KIF14: variants seen among roughly 807,000 people sequenced by gnomAD.
The protein encoded by KIF14 is kinesin family member 14.
Under a neutral mutation model 176.2 loss-of-function variants are expected in KIF14, and 98 were observed. The ratio of observed to expected loss-of-function variants is 0.56; its 90% confidence interval spans 0.47 to 0.66. KIF14 has a LOEUF of 0.66. Ranked by LOEUF, KIF14 falls within the 30% of genes least tolerant of loss-of-function variation. The pLI, the probability that KIF14 is intolerant of heterozygous loss-of-function variation, is 0.00. For missense variants in KIF14, 1,751 were observed against 1,920.4 expected, an observed-to-expected ratio of 0.91 and a Z score of 1.65; for synonymous variants, 566 against 632.2, an observed-to-expected ratio of 0.90 and a Z score of 1.57.
chr1:200,620,259 A>G (rs917905353), intron 1 of KIF14, among the ~76,000 whole-genome samples, 152 bp downstream of exon 1: 3 of 152,226 alleles, frequency 2.0e-5, no homozygotes. Flanking sequence ...ATTTGCACAA[A>G]TCAATACGGT....
chr1:200,592,923 G>A (rs1659127851), intron 15 of KIF14, among the ~76,000 whole-genome samples: 1 of 151,988 alleles, frequency 6.6e-6, no homozygotes, highest in Non-Finnish European at 1.5e-5. Flanking sequence ...TATCTAAACA[G>A]AAAAAAATAC....
At position 200,598,398 on chromosome 1, in the gene KIF14, C is replaced by T. The variant is rs2102717975; in HGVS notation, c.2388G>A (p.Met796Ile). Residue 796 changes from methionine to isoleucine, a missense_variant, in exon 14 of 30, where the codon ATG becomes ATA. Coordinates refer to ENST00000367350, the MANE Select transcript of KIF14 (RefSeq NM_014875.3). ...TAACAAGGTTTGGTAAATGATTGTCCATTTGAAACATAATTCCTGCTTTCT... is the reference window on the plus strand; with the variant it reads ...TAACAAGGTTTGGTAAATGATTGTCTATTTGAAACATAATTCCTGCTTTCT... ...ELQKAGIMFQ[M>I]DNHLPNLVNL... The T allele has an allele frequency of 1.2e-6, 2 of 1,607,038 alleles. No homozygotes were observed. The highest frequency in any genetic ancestry group is 1.7e-6 in the Non-Finnish European group (2 of 1,178,132).
chr1:200,584,265 G>T (rs942145744), intron 19 of KIF14, among the ~76,000 whole-genome samples: 2 of 148,838 alleles, frequency 1.3e-5, no homozygotes, highest in Non-Finnish European at 3.0e-5. Context: ...CACTGGTGAA[G>T]TCTACCGAAC....
At position 200,578,732 on chromosome 1, in the gene KIF14, A is replaced by T. The variant is rs1448779481; in HGVS notation, c.3465+1522T>A. ...TAATCAGGAAAAAAGGTATATGATA[A>T]ATATAAAGGCTTATCAAAATATGTA... is the stretch of plus-strand genomic sequence containing the variant. On this transcript the variant is annotated intron_variant, in intron 21 of 29. Coordinates refer to ENST00000367350, the MANE Select transcript of KIF14 (RefSeq NM_014875.3). Among the ~76,000 whole-genome samples the T allele has an allele frequency of 2.0e-5, 3 of 152,334 alleles. No homozygotes were observed. The East Asian group carries it at 5.8e-4, about 29-fold the overall frequency.
intron 29 of KIF14, 77 bp downstream of exon 29, chr1:200,554,391 A>ATT: frequency 2.0e-6 from 1 of 509,310 alleles, no homozygotes; most frequent in South Asian, 3.5e-5. Context: ...ACTCCATCTC[A>ATT]AAAAAAAAAA....
At chr1:200,586,075 G>A in intron 19 of KIF14, 26 bp downstream of exon 19, 1 of 1,426,198 alleles carries the variant, frequency 7.0e-7, no homozygotes, top group Non-Finnish European at 9.3e-7. Flanking sequence ...TTTAGAAAAT[G>A]TTTGCTAAAA....
Position 200,580,296 on chromosome 1 carries a change from T to C in KIF14, c.3423A>G (p.Glu1141=). Residue 1141 remains glutamate (E), a synonymous_variant, in exon 21 of 30, where the codon GAA becomes GAG. Coordinates refer to ENST00000367350, the MANE Select transcript of KIF14 (RefSeq NM_014875.3). ...TTGCTGCAAGTTTAGATTCAAACTT[T>C]TCCAGACTCCAGAATGTTGAGATTC... ...KLGISTFWSL[E]KFESKLAAMK... is the part of the protein sequence containing the mutation. 1 of 1,513,184 alleles carries C rather than the reference T, an allele frequency of 6.6e-7. No homozygotes were observed. Among genetic ancestry groups the C allele is most frequent in the Non-Finnish European group, 8.9e-7 (1 of 1,123,332 alleles). 93.7% of individuals were successfully genotyped at this position (1,513,184 alleles called of 1,614,324 possible).
At chr1:200,601,549 T>G (rs1348534353) in intron 11 of KIF14, among the ~76,000 whole-genome samples, 1 of 152,192 alleles carries the variant, frequency 6.6e-6, no homozygotes, top group African/African-American at 2.4e-5. Context: ...AGCTAGTACA[T>G]AAAACGTCAA....
chr1:200,594,278 G>A (rs578024088), intron 14 of KIF14, among the ~76,000 whole-genome samples: 2 of 145,738 alleles, frequency 1.4e-5, no homozygotes, highest in East Asian at 4.1e-4. Flanking sequence ...CTGGCCTCTA[G>A]CAATCCGATC....
At chr1:200,605,212 A>G in intron 8 of KIF14, 71 bp downstream of exon 8, 1 of 1,451,082 alleles carries the variant, frequency 6.9e-7, no homozygotes, top group Admixed American at 1.8e-5. Flanking sequence ...GAACTTTTTA[A>G]AAAAATACCT....
chr1:200,610,267 A>G (rs1434465605), intron 4 of KIF14, among the ~76,000 whole-genome samples: 1 of 152,168 alleles, frequency 6.6e-6, no homozygotes, highest in African/African-American at 2.4e-5. Flanking sequence ...CTGGGAGGCC[A>G]AGGCAGGTGG....
chr1:200,590,250 CCT>C lies in KIF14; in HGVS notation c.2834_2835del (p.Glu945GlyfsTer32). ...ATTTCTTCCTTTGCCTTCAACTGAGCCTCTTTTATTTCTGCTTCAAGTCTACA... is the reference window on the plus strand; with the variant it reads ...ATTTCTTCCTTTGCCTTCAACTGAGCCTTTTATTTCTGCTTCAAGTCTACA... ...QRSQLEAEIKEAQLKAKEEMM... is the reference protein window; with the variant it reads ...QRSQLEAEIKXAQLKAKEEMM... On this transcript the variant is annotated frameshift_variant, in exon 17 of 30. Transcript: ENST00000367350. LOFTEE classifies it high-confidence loss of function. 6.2e-7 allele frequency: 1 copy of C among 1,613,250 alleles called. No individual in the cohort carries two copies. The highest frequency in any genetic ancestry group is 8.5e-7 in the Non-Finnish European group (1 of 1,179,786).
In KIF14 at chr1:200,555,142, T is replaced by A. The variant is rs546333234; in HGVS notation, c.4428+238A>T. Among the ~76,000 whole-genome samples the A allele has an allele frequency of 7.8e-4, 119 of 152,228 alleles. 2 individuals are homozygous for A. The highest frequency in any genetic ancestry group is 2.1e-3 in the East Asian group (11 of 5,182). ...CAAAAGCTGACAGTTATTAAACCAG[T>A]AGCAATAAGAAACAGACATATTAAT... On this transcript the variant is annotated intron_variant, in intron 28 of 29. Transcript: ENST00000367350.
intron 4 of KIF14, among the ~76,000 whole-genome samples, chr1:200,612,304 A>G (rs920227764): frequency 2.6e-5 from 4 of 152,144 alleles, no homozygotes; most frequent in Non-Finnish European, 5.9e-5. Flanking sequence ...TGCCTGGCCA[A>G]CCAGGCTCTT....
intron 25 of KIF14, among the ~76,000 whole-genome samples, 164 bp downstream of exon 25, chr1:200,564,903 CTT>C: frequency 6.6e-6 from 1 of 152,316 alleles, no homozygotes; most frequent in East Asian, 1.9e-4. Flanking sequence ...CCATGTAAGT[CTT>C]TGTTTAACAA....
chr1:200,580,258 T>G lies in KIF14; in HGVS notation c.3461A>C (p.Tyr1154Ser). ...ESKLAAMKEL[Y>S]ESNGSNRGED... ...GATTTTAATAATATTCCAAACCTCA[T>G]AAAGTTCTTTCATTGCTGCAAGTTT... Residue 1154 changes from tyrosine to serine, a missense_variant, in exon 21 of 30, where the codon TAT becomes TCT. Tyr to Ser is a moderately radical substitution (Grantham distance 144, BLOSUM62 -2). Transcript: ENST00000367350. 2 of 1,408,150 alleles carry G rather than the reference T, an allele frequency of 1.4e-6. No homozygotes were observed. Among genetic ancestry groups the G allele is most frequent in the Non-Finnish European group, 1.9e-6 (2 of 1,066,442 alleles). 87.2% of individuals were successfully genotyped at this position (1,408,150 alleles called of 1,614,324 possible).
chr1:200,553,704 T>A lies in KIF14; in HGVS notation c.4631A>T (p.Asp1544Val), dbSNP rs376771456. 1.2e-5 allele frequency: 20 copies of A among 1,612,498 alleles called. No individual in the cohort carries two copies. In the East Asian group the frequency reaches 4.5e-4, roughly 36 times the overall value. ...AGGCACACTGAAGTCACTGTAAAAA[T>A]CACTGGCCAAGTTGCGAATACTTTC... ...CVESIRNLAS[D>V]FYSDFSVPST... is the part of the protein sequence containing the mutation. Residue 1544 changes from aspartate (D) to valine (V), a missense_variant, in exon 30 of 30, where the codon GAT becomes GTT. Transcript: ENST00000367350.
rs372889426 is a variant in KIF14, at chr1:200,565,018, T to A, written c.4071+51A>T. 1,377 of 1,417,772 alleles carry A rather than the reference T, an allele frequency of 9.7e-4. 17 individuals are homozygous for A. In the South Asian group the frequency reaches 0.011, roughly 12 times the overall value. The allele number at this position is 1,417,772 out of a possible 1,614,324, so 87.8% of individuals were successfully genotyped here. ...GAAGATATAGACAGTAGAAAGCCAA[T>A]AAATAATTATTAAATGAATCCTTCA... On this transcript the variant is annotated intron_variant, in intron 25 of 29. Coordinates refer to ENST00000367350, the MANE Select transcript of KIF14 (RefSeq NM_014875.3).
chr1:200,618,906 T>G, intron 1 of KIF14, 68 bp from the exon 2 acceptor site: 6 of 532,002 alleles, frequency 1.1e-5, no homozygotes, highest in African/African-American at 1.9e-5. Flanking sequence ...AGAGAGAACA[T>G]CCCATTGTGT....
Sources: gnomAD v4.1 joint callset for allele counts (sites outside exome capture counted in the v4.1 genomes callset) on GRCh38, gnomAD v4.1.1 for gene constraint, MANE v1.5 for transcripts, NCBI Gene and HGNC (gene_info 2026-07-23, HGNC 2026-07-21) for gene names.